LINGO2: variants seen among roughly 807,000 people sequenced by gnomAD.
LINGO2 encodes the protein leucine-rich repeat and immunoglobulin-like domain-containing nogo receptor-interacting protein 2.
A neutral mutation model predicts 30.6 loss-of-function variants in LINGO2; 14 were observed. The observed-to-expected ratio is 0.46, with a 90% confidence interval of 0.30 to 0.72. The LOEUF is 0.72. LINGO2 is among the 30% of genes least tolerant of loss of function. The pLI, the probability that LINGO2 is intolerant of heterozygous loss-of-function variation, is 0.07. For missense variants in LINGO2, 729 were observed against 751.7 expected (o/e 0.97, Z 0.35); for synonymous variants, 317 against 288.5 (o/e 1.10, Z -1.00).
the LINGO2 span, among the ~76,000 whole-genome samples, chr9:28,704,971 C>T: frequency 6.6e-6 from 1 of 152,070 alleles, no homozygotes; most frequent in Admixed American, 6.6e-5. Context: ...TTTTCTCATA[C>T]AGTGGCTCAA....
chr9:28,049,127 TCTTCATGC>T lies in LINGO2; in HGVS notation c.-86-36730_-86-36723del, dbSNP rs1337252839. Among the ~76,000 whole-genome samples the T allele has an allele frequency of 4.6e-5, 7 of 150,992 alleles. 2 individuals carry two copies. Among genetic ancestry groups the T allele is most frequent in the African/African-American group, 1.5e-4 (6 of 40,894 alleles). ...ACTAAGTGTATGCAATGCCTTCATG[TCTTCATGC>T]CTTTATCCTAGTCAGCAATGCATCA... On this transcript the variant is annotated intron_variant, in intron 4 of 5. Transcript: ENST00000379992.
the LINGO2 span, among the ~76,000 whole-genome samples, chr9:28,776,983 A>G: frequency 6.6e-6 from 1 of 152,006 alleles, no homozygotes; most frequent in African/African-American, 2.4e-5. Context: ...TTCTCATGAT[A>G]GTGAGTTCTC....
chr9:29,026,837 A>G, the LINGO2 span, among the ~76,000 whole-genome samples: 1 of 152,172 alleles, frequency 6.6e-6, no homozygotes, highest in African/African-American at 2.4e-5. Context: ...AACAACCTCT[A>G]TGAGCTAAAT....
chr9:28,565,462 G>T (rs1285323934), intron 1 of LINGO2, among the ~76,000 whole-genome samples: 1 of 151,656 alleles, frequency 6.6e-6, no homozygotes, highest in Admixed American at 6.6e-5. Context: ...TGGGATTGTA[G>T]GCGTGAGGCA....
intron 4 of LINGO2, among the ~76,000 whole-genome samples, chr9:28,028,043 T>A (rs190078816): frequency 1.3e-5 from 2 of 152,316 alleles, no homozygotes; most frequent in Admixed American, 1.3e-4. Context: ...ATTGAGCAGG[T>A]GTCAAACTGC....
chr9:27,973,729 A>T (rs923363065), intron 5 of LINGO2, among the ~76,000 whole-genome samples: 1 of 152,110 alleles, frequency 6.6e-6, no homozygotes, highest in African/African-American at 2.4e-5. Flanking sequence ...GTCCTTGAAG[A>T]CCACTTGAAG....
At chr9:27,977,067 C>T (rs560124898) in intron 5 of LINGO2, among the ~76,000 whole-genome samples, 17 of 150,720 alleles carry the variant, frequency 1.1e-4, no homozygotes, top group South Asian at 2.1e-4. Flanking sequence ...TGGAAGCAAA[C>T]AACTGAACAT....
At chr9:28,046,977 T>A (rs763045402) in intron 4 of LINGO2, among the ~76,000 whole-genome samples, 2 of 152,124 alleles carry the variant, frequency 1.3e-5, no homozygotes, top group Non-Finnish European at 2.9e-5. Context: ...GGAGAAAGCA[T>A]CCTGGCTGCA....
chr9:28,292,380 G>A (rs868381244), intron 4 of LINGO2, among the ~76,000 whole-genome samples: 5 of 152,158 alleles, frequency 3.3e-5, no homozygotes, highest in Non-Finnish European at 5.9e-5. Context: ...GATTTTCCCA[G>A]TATCTTTCTG....
chr9:27,943,698 A>G (rs557658105), downstream of LINGO2: 1 of 151,676 alleles, frequency 6.6e-6, no homozygotes, highest in South Asian at 2.1e-4. Flanking sequence ...ATCCCTGGAG[A>G]GAGCGTTCAT....
chr9:27,960,085 T>C (rs28716469), intron 5 of LINGO2, among the ~76,000 whole-genome samples: 1,875 of 152,228 alleles, frequency 0.012, 43 homozygotes, highest in African/African-American at 0.043. Context: ...TTCATTTTGG[T>C]TCATTCCTTA....
At chr9:28,894,187 T>A in the LINGO2 span, among the ~76,000 whole-genome samples, 4 of 152,190 alleles carry the variant, frequency 2.6e-5, no homozygotes, top group African/African-American at 9.7e-5. Flanking sequence ...GTCTTTGCTA[T>A]TGTGAATAGT....
chr9:28,049,394 T>G (rs181183265), intron 4 of LINGO2, among the ~76,000 whole-genome samples: 1 of 150,816 alleles, frequency 6.6e-6, no homozygotes, highest in Admixed American at 6.7e-5. Context: ...AAATTCAACA[T>G]AGCAGGTAAT....
chr9:28,900,586 G>T, the LINGO2 span, among the ~76,000 whole-genome samples: 1 of 152,258 alleles, frequency 6.6e-6, no homozygotes, highest in Non-Finnish European at 1.5e-5. Context: ...CCTTGGTACT[G>T]GGCCAGCCTG....
At chr9:28,694,866 T>C in the LINGO2 span, among the ~76,000 whole-genome samples, 1 of 151,878 alleles carries the variant, frequency 6.6e-6, no homozygotes, top group Non-Finnish European at 1.5e-5. Context: ...AGTATGTGTG[T>C]CATGGTCAAA....
the LINGO2 span, among the ~76,000 whole-genome samples, chr9:28,681,893 C>A: frequency 6.6e-6 from 1 of 152,064 alleles, no homozygotes; most frequent in South Asian, 2.1e-4. Context: ...ATTCAATCAA[C>A]CAACTATAAA....
At chr9:28,384,122 T>C (rs28684763) in intron 2 of LINGO2, among the ~76,000 whole-genome samples, 15,083 of 151,760 alleles carry the variant, frequency 0.099, 1,039 homozygotes, top group African/African-American at 0.18. Flanking sequence ...TAATAGTTAT[T>C]TATTTTAGAC....
At chr9:28,453,687 A>T (rs1200765758) in intron 2 of LINGO2, among the ~76,000 whole-genome samples, 1 of 151,958 alleles carries the variant, frequency 6.6e-6, no homozygotes, top group Non-Finnish European at 1.5e-5. Flanking sequence ...TTTCTTGCTA[A>T]TACTAGAATA....
the LINGO2 span, among the ~76,000 whole-genome samples, chr9:28,820,535 T>C: frequency 6.6e-6 from 1 of 152,240 alleles, no homozygotes; most frequent in African/African-American, 2.4e-5. Flanking sequence ...GTTTCAGTTC[T>C]ACCTGGAATG....
Sources: allele counts gnomAD v4.1 joint callset (sites outside exome capture counted in the v4.1 genomes callset), GRCh38; gene constraint gnomAD v4.1.1; transcripts MANE v1.5; gene names NCBI Gene and HGNC (gene_info 2026-07-23, HGNC 2026-07-21).